NLRP14: variants seen among roughly 807,000 people sequenced by gnomAD.
The protein encoded by NLRP14 is NACHT, LRR and PYD domains-containing protein 14.
A neutral mutation model predicts 94.7 loss-of-function variants in NLRP14; 105 were observed. The ratio of observed to expected loss-of-function variants is 1.11; its 90% CI spans 0.95 to 1.30. The LOEUF is 1.30. Ranked by LOEUF, NLRP14 falls within the 50% of genes most tolerant of loss-of-function variation. The pLI is 0.00. For missense variants in NLRP14, 1,362 were observed against 1,254.1 expected, an observed-to-expected ratio of 1.09 and a Z score of -1.30; for synonymous variants, 508 against 459.9, an observed-to-expected ratio of 1.10 and a Z score of -1.34.
chr11:7,022,191 C>T (rs1311620193), intron 1 of NLRP14, among the ~76,000 whole-genome samples: 1 of 152,156 alleles, frequency 6.6e-6, no homozygotes, highest in Non-Finnish European at 1.5e-5. Flanking sequence ...TTTTATGACT[C>T]TGGAAGCTAC....
intron 1 of NLRP14, among the ~76,000 whole-genome samples, chr11:7,033,103 T>G (rs943908160): frequency 3.9e-5 from 6 of 152,338 alleles, no homozygotes; most frequent in African/African-American, 1.4e-4. Flanking sequence ...ATGTTTTCTT[T>G]GCTGTTTAGG....
At chr11:7,083,359 T>C in the NLRP14 span, among the ~76,000 whole-genome samples, 2 of 152,240 alleles carry the variant, frequency 1.3e-5, no homozygotes, top group Admixed American at 1.3e-4. Flanking sequence ...ATTCTTGAAA[T>C]TATAGATTGT....
chr11:7,078,437 CAAAAAA>C, the NLRP14 span, among the ~76,000 whole-genome samples: 11 of 15,370 alleles, frequency 7.2e-4, no homozygotes, highest in East Asian at 0.035. Flanking sequence ...GACTCTGTCT[CAAAAAA>C]AAAAAAAAAA....
rs888286344 is a variant in NLRP14 at position 7,049,561 on chromosome 11, G to T, written c.2124-110G>T. On this transcript the variant is annotated intron_variant, in intron 5 of 11. Transcript: ENST00000299481. The stretch of plus-strand genomic sequence containing the variant: ...ACCCAATTGTTTTAGATGAAAATAA[G>T]ATAAAAGAATATTCATGTAATATCC... 3 of 817,042 alleles carry T rather than the reference G, an allele frequency of 3.7e-6. No homozygotes were observed. In the African/African-American group the frequency reaches 5.1e-5, roughly 14 times the overall value. The allele number at this position is 817,042 out of a possible 1,614,324, so 50.6% of individuals were successfully genotyped here. A position where few individuals can be genotyped will look rare whatever the true frequency, so the allele number is the denominator to read the frequency against.
intron 2 of NLRP14, 51 bp downstream of exon 2, chr11:7,038,926 C>T (rs370239677): frequency 2.1e-5 from 33 of 1,568,792 alleles, no homozygotes; most frequent in African/African-American, 1.6e-4. Flanking sequence ...GAAGTGTTTC[C>T]TGGAGCCCAG....
the NLRP14 span, chr11:7,089,197 C>G: frequency 1.3e-5 from 21 of 1,613,748 alleles, no homozygotes; most frequent in Non-Finnish European, 1.7e-5. Context: ...GCCCTCGAAG[C>G]CGAGTTTGGC....
chr11:7,088,950 C>T, the NLRP14 span: 4 of 732,584 alleles, frequency 5.5e-6, no homozygotes, highest in Admixed American at 8.6e-5. Context: ...CGACCAATCA[C>T]AGGCAGCAGG....
the NLRP14 span, chr11:7,089,621 G>A: frequency 8.3e-5 from 102 of 1,225,692 alleles, no homozygotes; most frequent in East Asian, 4.5e-4. Flanking sequence ...CCGCGCCGTC[G>A]GGCCCGGCTC....
rs530192985 is a variant in NLRP14 at position 7,049,937 on chromosome 11, G to T, written c.2291+99G>T. On this transcript the variant is annotated intron_variant, in intron 6 of 11. Transcript: ENST00000299481. ...GCCTGGATTTGCTATTCATAGGACC[G>T]GCTTAAATCTACTTTCATGATATGG... The T allele has an allele frequency of 1.9e-5, 19 of 1,000,538 alleles. No homozygotes were observed. The South Asian group carries it at 2.3e-4, about 12-fold the overall frequency. 62.0% of individuals were successfully genotyped at this position (1,000,538 alleles called of 1,614,324 possible). A position where few individuals can be genotyped will look rare whatever the true frequency, so the allele number is the denominator to read the frequency against.
chr11:7,038,918 A>G (rs1440845797), intron 2 of NLRP14, 43 bp downstream of exon 2: 2 of 1,589,256 alleles, frequency 1.3e-6, no homozygotes, highest in Non-Finnish European at 8.6e-7. Flanking sequence ...GCAGGAAGGA[A>G]GTGTTTCCTG....
chr11:7,071,103 C>G, intron 11 of NLRP14, 70 bp from the exon 12 acceptor site: 2 of 1,559,488 alleles, frequency 1.3e-6, no homozygotes, highest in Non-Finnish European at 1.8e-6. Context: ...GAAATAAATC[C>G]TTTACAGAGA....
At chr11:7,072,398 C>T (rs1852814224), downstream of NLRP14, among the ~76,000 whole-genome samples, 1 of 152,220 alleles carries the variant, frequency 6.6e-6, no homozygotes, top group Non-Finnish European at 1.5e-5. Context: ...AAGAATTCAA[C>T]TGAGAGGCAG....
intron 10 of NLRP14, among the ~76,000 whole-genome samples, chr11:7,066,839 T>G (rs911000448): frequency 6.6e-6 from 1 of 152,214 alleles, no homozygotes; most frequent in Admixed American, 6.5e-5. Context: ...TATGTTTAAG[T>G]CTTTAATCCA....
chr11:7,090,244 G>A, the NLRP14 span: 2 of 1,610,230 alleles, frequency 1.2e-6, no homozygotes, highest in Non-Finnish European at 8.5e-7. Flanking sequence ...GTGCCCAGGG[G>A]CGGAGGCCGT....
intron 1 of NLRP14, among the ~76,000 whole-genome samples, chr11:7,026,118 C>T (rs1852011068): frequency 1.3e-5 from 2 of 152,196 alleles, no homozygotes; most frequent in East Asian, 3.9e-4. Flanking sequence ...GTCTAAAACA[C>T]CAAAAGCAAT....
In NLRP14 at chr11:7,058,810, A is replaced by G. The variant is rs60343707; in HGVS notation, c.2633+360A>G. ...AGCCTACCACCTATCCTAGTCTATG[A>G]TCTGAGCTCAGAACAGAAATATAGC... On this transcript the variant is annotated intron_variant, in intron 8 of 11. Coordinates refer to ENST00000299481, the MANE Select transcript of NLRP14 (RefSeq NM_176822.4). 6.6e-5 allele frequency among the ~76,000 whole-genome samples: 10 copies of G among 152,092 alleles called. No individual in the cohort carries two copies. The East Asian group carries it at 1.7e-3, about 26-fold the overall frequency.
chr11:7,054,885 A>G lies in NLRP14; in HGVS notation c.2292-2792A>G, dbSNP rs191957521. Among the ~76,000 whole-genome samples, 297 of 152,232 alleles carry G rather than the reference A, an allele frequency of 2.0e-3. 2 individuals are homozygous for G. Among genetic ancestry groups the G allele is most frequent in the Non-Finnish European group, 1.5e-3 (100 of 67,996 alleles). On this transcript the variant is annotated intron_variant, in intron 6 of 11. Transcript: ENST00000299481. ...ACTCAAGAAATCTTTGCCCAGTCCAATGTCCTGGAGCATTTCCCCTATGTT... is the reference window on the plus strand; with the variant it reads ...ACTCAAGAAATCTTTGCCCAGTCCAGTGTCCTGGAGCATTTCCCCTATGTT...
intron 4 of NLRP14, 61 bp downstream of exon 4, chr11:7,044,045 C>T: frequency 6.5e-7 from 1 of 1,537,572 alleles, no homozygotes. Context: ...AGATATTTGT[C>T]AGAGGGAGGA....
intron 10 of NLRP14, among the ~76,000 whole-genome samples, chr11:7,069,235 A>G (rs1041733319): frequency 6.6e-6 from 1 of 152,182 alleles, no homozygotes; most frequent in East Asian, 1.9e-4. Flanking sequence ...ATATTTACAT[A>G]CCCTGTCTCA....
Sources: allele counts gnomAD v4.1 joint callset (sites outside exome capture counted in the v4.1 genomes callset), GRCh38; gene constraint gnomAD v4.1.1; transcripts MANE v1.5; gene names NCBI Gene and HGNC (gene_info 2026-07-23, HGNC 2026-07-21).